The following RAD50 variants were observed in gnomAD, a reference collection of about 807,000 sequenced individuals.
RAD50 encodes DNA repair protein RAD50.
RAD50 carries 132 observed loss-of-function variants against 168.8 expected under a neutral mutation model. The ratio of observed to expected loss-of-function variants is 0.78; its 90% CI spans 0.68 to 0.90. RAD50 has a LOEUF of 0.90. Among genes scored for constraint, RAD50 ranks in the 40% least tolerant of loss-of-function variants. The probability of loss-of-function intolerance (pLI) is 0.00; values close to 1 mark genes in which losing one functional copy is unlikely to be tolerated. For missense variants in RAD50, 1,347 were observed against 1,534.4 expected (o/e 0.88, Z 2.04); for synonymous variants, 525 against 497.4 (o/e 1.06, Z -0.74).
intron 21 of RAD50, among the ~76,000 whole-genome samples, chr5:132,634,783 A>G (rs1303414767): frequency 6.6e-6 from 1 of 152,172 alleles, no homozygotes; most frequent in African/African-American, 2.4e-5. Context: ...TAGTGTATCA[A>G]ATGTTTTTAT....
rs773391967 is a variant in RAD50, at chr5:132,587,919, C to T, written c.886-5C>T. 1 of 1,611,938 alleles carries T rather than the reference C, an allele frequency of 6.2e-7. No homozygotes were observed. Among genetic ancestry groups the T allele is most frequent in the African/African-American group, 1.3e-5 (1 of 74,948 alleles). On this transcript the variant is annotated splice_region_variant and splice_polypyrimidine_tract_variant and intron_variant, in intron 6 of 24. Transcript: ENST00000378823. ...ATTAAAGCTTTTTATTTTGGTGTTA[C>T]ACAGGTTTTTCAAGGGACTGATGAG...
intron 19 of RAD50, among the ~76,000 whole-genome samples, chr5:132,614,899 G>C (rs1751149729): frequency 6.6e-6 from 1 of 151,952 alleles, no homozygotes; most frequent in Non-Finnish European, 1.5e-5. Context: ...AAGCATGTGA[G>C]AGAAATCCTT....
intron 11 of RAD50, chr5:132,592,802 A>G: frequency 2.1e-6 from 1 of 470,794 alleles, no homozygotes; most frequent in Non-Finnish European, 4.4e-6. Context: ...ACCTCCTGTT[A>G]CAATTCTTTG....
At chr5:132,639,317 C>T (rs1401285210) in intron 23 of RAD50, among the ~76,000 whole-genome samples, 2 of 141,448 alleles carry the variant, frequency 1.4e-5, no homozygotes, top group African/African-American at 5.4e-5. Flanking sequence ...CGTGCCATTG[C>T]ACTCCAGCCC....
chr5:132,628,215 C>A (rs948243646), intron 21 of RAD50, among the ~76,000 whole-genome samples: 8 of 152,106 alleles, frequency 5.3e-5, no homozygotes, highest in African/African-American at 1.9e-4. Flanking sequence ...ACTGGGGAGT[C>A]ATCAGCATAT....
At chr5:132,626,476 T>A (rs1245634844) in intron 21 of RAD50, among the ~76,000 whole-genome samples, 2 of 152,170 alleles carry the variant, frequency 1.3e-5, no homozygotes, top group Admixed American at 6.5e-5. Context: ...ATAGAATTTT[T>A]AAAAATCTAT....
intron 16 of RAD50, among the ~76,000 whole-genome samples, chr5:132,605,441 C>A (rs566346185): frequency 6.6e-6 from 1 of 151,082 alleles, no homozygotes; most frequent in African/African-American, 2.4e-5. Context: ...ACCTCCTGAG[C>A]TCAAGCAATC....
intron 19 of RAD50, among the ~76,000 whole-genome samples, chr5:132,615,621 T>C (rs532354660): frequency 1.8e-4 from 27 of 152,302 alleles, no homozygotes; most frequent in African/African-American, 6.0e-4. Flanking sequence ...TTAAAATATC[T>C]AGTTATATTT....
intron 11 of RAD50, 44 bp from the exon 12 acceptor site, chr5:132,594,825 T>G: frequency 3.9e-6 from 6 of 1,551,714 alleles, no homozygotes; most frequent in Non-Finnish European, 5.3e-6. Context: ...TCAAACTAAT[T>G]TCTCCTATTT....
At chr5:132,560,162 C>A (rs529033056) in intron 2 of RAD50, among the ~76,000 whole-genome samples, 3 of 152,108 alleles carry the variant, frequency 2.0e-5, no homozygotes, top group Admixed American at 2.0e-4. Context: ...GTTTTCGTTA[C>A]GTATTCTTCC....
At position 132,642,552 on chromosome 5, in the gene RAD50, C is replaced by T. The variant is rs1297996823; in HGVS notation, c.*188C>T. On this transcript the variant is annotated 3_prime_UTR_variant, in exon 25 of 25. Transcript: ENST00000378823. The stretch of plus-strand genomic sequence containing the variant: ...GTTTCACTGAAAATTGGACAGATTG[C>T]CTGTTTCTGATTTGCTGCTCTTCAT... The T allele has an allele frequency of 1.2e-5, 8 of 643,048 alleles. No individual in the cohort carries two copies. Among genetic ancestry groups the T allele is most frequent in the South Asian group, 4.0e-5 (2 of 50,364 alleles). 39.8% of individuals were successfully genotyped at this position (643,048 alleles called of 1,614,324 possible). A position where few individuals can be genotyped will look rare whatever the true frequency, so the allele number is the denominator to read the frequency against.
chr5:132,583,419 A>C (rs904567352), intron 5 of RAD50, among the ~76,000 whole-genome samples: 1 of 152,092 alleles, frequency 6.6e-6, no homozygotes, highest in African/African-American at 2.4e-5. Flanking sequence ...CCCTTTTTAG[A>C]GTATAAATTC....
chr5:132,639,398 G>A (rs1340968927), intron 23 of RAD50, among the ~76,000 whole-genome samples: 2 of 150,328 alleles, frequency 1.3e-5, no homozygotes, highest in East Asian at 3.9e-4. Context: ...TATGTATTAT[G>A]TTGTCAGCCT....
intron 2 of RAD50, among the ~76,000 whole-genome samples, chr5:132,567,965 T>C (rs1750236423): frequency 6.6e-6 from 1 of 152,108 alleles, no homozygotes; most frequent in Non-Finnish European, 1.5e-5. Flanking sequence ...AATGGGAATA[T>C]GCAAAAGAAA....
At position 132,579,953 on chromosome 5, in the gene RAD50, C is replaced by A; in HGVS notation, c.643C>A (p.Gln215Lys). Residue 215 changes from glutamine to lysine, a missense_variant, in exon 5 of 25, where the codon CAA becomes AAA. Physicochemically the swap from Gln to Lys is moderately conservative, Grantham distance 53. This residue lies in a region of RAD50 where 703 missense variants were observed against 767.7 expected (regional missense o/e 0.92). Coordinates refer to ENST00000378823, the MANE Select transcript of RAD50 (RefSeq NM_005732.4). The stretch of plus-strand genomic sequence containing the variant: ...TCAAATGGAACTAAAATATCTGAAG[C>A]AATATAAGGAAAAAGCTTGTGAGAT... ...EYQMELKYLK[Q>K]YKEKACEIRD... 1 of 1,611,176 alleles carries A rather than the reference C, an allele frequency of 6.2e-7. No individual in the cohort carries two copies. The highest frequency in any genetic ancestry group is 8.5e-7 in the Non-Finnish European group (1 of 1,177,504).
chr5:132,572,937 T>C (rs1229394835), intron 2 of RAD50, among the ~76,000 whole-genome samples: 1 of 152,248 alleles, frequency 6.6e-6, no homozygotes, highest in African/African-American at 2.4e-5. Context: ...CATTCACAAA[T>C]TCAAGGGATT....
chr5:132,575,051 G>A (rs543536251), intron 2 of RAD50, among the ~76,000 whole-genome samples: 12 of 152,046 alleles, frequency 7.9e-5, no homozygotes, highest in Admixed American at 2.6e-4. Context: ...TTCCAAAGTC[G>A]CTTTCACATT....
At chr5:132,579,126 ATCTTT>A (rs1192302130) in intron 3 of RAD50, among the ~76,000 whole-genome samples, 186 bp from the exon 4 acceptor site, 1 of 152,210 alleles carries the variant, frequency 6.6e-6, no homozygotes, top group Admixed American at 6.5e-5. Context: ...TGTTTTACAT[ATCTTT>A]TCATCTGTGA....
intron 2 of RAD50, among the ~76,000 whole-genome samples, chr5:132,566,133 A>T (rs961187949): frequency 6.6e-6 from 1 of 152,214 alleles, no homozygotes. Context: ...TTAATAATTC[A>T]ATCTAAATTA....
Sources: gnomAD v4.1 joint callset for allele counts (sites outside exome capture counted in the v4.1 genomes callset) on GRCh38, gnomAD v4.1.1 for gene constraint, gnomAD v4.1.1 regional missense constraint, MANE v1.5 for transcripts, NCBI Gene and HGNC (gene_info 2026-07-23, HGNC 2026-07-21) for gene names.